The following CTTNBP2 variants were observed in gnomAD, a reference collection of about 807,000 sequenced individuals.
CTTNBP2 encodes cortactin binding protein 2.
Under a neutral mutation model 156.9 loss-of-function variants are expected in CTTNBP2, and 108 were observed. The observed-to-expected ratio is 0.69, with a 90% CI of 0.59 to 0.81. The LOEUF (loss-of-function observed/expected upper bound fraction) is 0.81, where lower values mean the gene tolerates loss of function less well. Ranked by LOEUF, CTTNBP2 falls within the 30% of genes least tolerant of loss-of-function variation. CTTNBP2 has a pLI of 0.00. For missense variants in CTTNBP2, 1,924 were observed against 2,035.4 expected, an observed-to-expected ratio of 0.95 and a Z score of 1.05; for synonymous variants, 767 against 751.8, an observed-to-expected ratio of 1.02 and a Z score of -0.33.
intron 2 of CTTNBP2, among the ~76,000 whole-genome samples, chr7:117,844,955 TAGG>T (rs1318475423): frequency 7.9e-5 from 12 of 152,228 alleles, no homozygotes; most frequent in African/African-American, 2.9e-4. Flanking sequence ...TGAAAGAATC[TAGG>T]AGAACAGGTG....
intron 4 of CTTNBP2, chr7:117,786,463 A>G (rs1447724656): frequency 2.3e-6 from 1 of 439,494 alleles, no homozygotes; most frequent in South Asian, 1.7e-5. Context: ...CAGGCCCACA[A>G]AAATTAAATC....
At chr7:117,760,197 A>G (rs1422048109) in intron 10 of CTTNBP2, 2 of 540,806 alleles carry the variant, frequency 3.7e-6, no homozygotes, top group Non-Finnish European at 6.6e-6. Flanking sequence ...AAGCCTCATC[A>G]ACGGCTTTCA....
At chr7:117,743,425 T>C (rs183821950) in intron 14 of CTTNBP2, among the ~76,000 whole-genome samples, 102 of 152,218 alleles carry the variant, frequency 6.7e-4, no homozygotes, top group African/African-American at 2.4e-3. Context: ...CTGCTGGGGT[T>C]TGAGTTCCGT....
chr7:117,715,455 T>C (rs7804816), intron 22 of CTTNBP2, among the ~76,000 whole-genome samples: 40,073 of 137,072 alleles, frequency 0.29, 6,083 homozygotes, highest in African/African-American at 0.41. Flanking sequence ...CCCCTCAGAC[T>C]AGAGTCCAGG....
intron 2 of CTTNBP2, among the ~76,000 whole-genome samples, chr7:117,848,516 G>A (rs181314220): frequency 4.3e-4 from 65 of 152,330 alleles, no homozygotes; most frequent in Non-Finnish European, 7.3e-4. Context: ...AGGCAGAGAT[G>A]AAAAACTTTA....
At chr7:117,755,901 AG>A (rs1292315900) in intron 12 of CTTNBP2, among the ~76,000 whole-genome samples, 2 of 152,134 alleles carry the variant, frequency 1.3e-5, no homozygotes, top group Non-Finnish European at 2.9e-5. Context: ...CTGAAAGGAA[AG>A]GCCTGCCCTC....
At chr7:117,817,359 A>ATATATATATATATAT (rs1317732791) in intron 2 of CTTNBP2, among the ~76,000 whole-genome samples, 2 of 34,192 alleles carry the variant, frequency 5.8e-5, no homozygotes, top group Non-Finnish European at 1.2e-4. Context: ...AAAAAAAAAA[A>ATATATATATATATAT]AAATATATAT....
chr7:117,757,475 T>C (rs1312798777), intron 11 of CTTNBP2, among the ~76,000 whole-genome samples: 2 of 137,230 alleles, frequency 1.5e-5, no homozygotes, highest in African/African-American at 5.5e-5. Flanking sequence ...AGGTGCTCAC[T>C]AAACATTAGC....
At chr7:117,743,295 G>A (rs1196464527) in intron 14 of CTTNBP2, among the ~76,000 whole-genome samples, 5 of 152,192 alleles carry the variant, frequency 3.3e-5, no homozygotes, top group Non-Finnish European at 5.9e-5. Flanking sequence ...TTGAGAAGAA[G>A]CAAGATTTTA....
intron 2 of CTTNBP2, among the ~76,000 whole-genome samples, chr7:117,852,843 C>T (rs1803018861): frequency 1.3e-5 from 2 of 152,030 alleles, no homozygotes; most frequent in South Asian, 4.2e-4. Context: ...GTAAACAATC[C>T]ATAAATGACA....
chr7:117,861,393 A>T, intron 1 of CTTNBP2, 77 bp from the exon 2 acceptor site: 1 of 1,014,988 alleles, frequency 9.9e-7, no homozygotes, highest in Non-Finnish European at 1.5e-6. Flanking sequence ...GTATGCAATG[A>T]ATCAGTTTTA....
At chr7:117,859,047 T>C (rs1357261164) in intron 2 of CTTNBP2, among the ~76,000 whole-genome samples, 1 of 152,224 alleles carries the variant, frequency 6.6e-6, no homozygotes, top group African/African-American at 2.4e-5. Context: ...ATTTATATAT[T>C]GAGTACATCA....
rs201897448 is a variant in CTTNBP2, at chr7:117,792,399, A to G, written c.797T>C (p.Ile266Thr). The G allele has an allele frequency of 1.5e-4, 243 of 1,613,978 alleles. 1 individual carries two copies. The highest frequency in any genetic ancestry group is 2.5e-4 in the East Asian group (11 of 44,880). Residue 266 changes from isoleucine (I) to threonine (T), a missense_variant, in exon 4 of 23, where the codon ATT becomes ACT. Coordinates refer to ENST00000160373, the MANE Select transcript of CTTNBP2 (RefSeq NM_033427.3). This position sits in a 1 kb window ranked among gnomAD's most constrained non-coding sequence, Gnocchi z 4.2. ...KEEIDKMRKM[I>T]EQLKRGSDSK... ...GTCACTTCCCCTTTTCAGTTGCTCA[A>G]TCATTTTCCTCATCTTGTCTATCTC...
intron 8 of CTTNBP2, among the ~76,000 whole-genome samples, chr7:117,775,595 T>C (rs77849201): frequency 2.0e-5 from 3 of 150,776 alleles, no homozygotes; most frequent in Non-Finnish European, 4.4e-5. Flanking sequence ...TTTTTTTTTT[T>C]TGCCTCTAGG....
chr7:117,811,978 G>A (rs184177999), intron 2 of CTTNBP2, among the ~76,000 whole-genome samples: 105 of 146,744 alleles, frequency 7.2e-4, no homozygotes, highest in Middle Eastern at 3.5e-3. Flanking sequence ...AACAATATTC[G>A]TAGTTTGTAA....
chr7:117,764,439 G>T (rs1464241208), intron 9 of CTTNBP2, among the ~76,000 whole-genome samples: 1 of 152,026 alleles, frequency 6.6e-6, no homozygotes, highest in Non-Finnish European at 1.5e-5. Flanking sequence ...ACTCTTTCTT[G>T]GCTCAGCCTT....
intron 8 of CTTNBP2, among the ~76,000 whole-genome samples, chr7:117,774,824 G>C (rs997845787): frequency 1.3e-5 from 2 of 151,996 alleles, no homozygotes; most frequent in South Asian, 4.2e-4. Flanking sequence ...ATGTATGCTA[G>C]AGAAAAGAAA....
chr7:117,751,416 G>A (rs969310427), intron 12 of CTTNBP2, among the ~76,000 whole-genome samples: 23 of 152,316 alleles, frequency 1.5e-4, no homozygotes, highest in South Asian at 4.1e-4. Context: ...AATTGGGACC[G>A]TTAAAATCAC....
In CTTNBP2 at chr7:117,791,216, G is replaced by A. The variant is rs763720638; in HGVS notation, c.1980C>T (p.Thr660=). The part of the protein sequence containing the change: ...ACSDSSLVIP[T]TIAFCSSINP... Reference sequence around the variant, plus strand: ...TTATGGAAGAGCAAAAGGCAATGGTGGTAGGAATGACAAGGGAACTGTCTG... The same window carrying A: ...TTATGGAAGAGCAAAAGGCAATGGTAGTAGGAATGACAAGGGAACTGTCTG... The change falls in exon 4 of 23, where the codon ACC becomes ACT. Residue 660 remains threonine (T), a synonymous_variant. Coordinates refer to ENST00000160373, the MANE Select transcript of CTTNBP2 (RefSeq NM_033427.3). 6.2e-7 allele frequency: 1 copy of A among 1,614,028 alleles called. No individual in the cohort carries two copies. The highest frequency in any genetic ancestry group is 1.3e-5 in the African/African-American group (1 of 74,902).
Sources: allele counts gnomAD v4.1 joint callset (sites outside exome capture counted in the v4.1 genomes callset), GRCh38; gene constraint gnomAD v4.1.1; non-coding constraint Gnocchi (gnomAD v3.1); transcripts MANE v1.5; gene names NCBI Gene and HGNC (gene_info 2026-07-23, HGNC 2026-07-21).